FILIP1: variants seen among roughly 807,000 people sequenced by gnomAD.
The protein encoded by FILIP1 is filamin-A-interacting protein 1.
In FILIP1, 61 loss-of-function variants were observed where a neutral mutation model predicts 102.1. The observed-to-expected ratio is 0.60, with a 90% CI of 0.49 to 0.74. The LOEUF (loss-of-function observed/expected upper bound fraction) is 0.74. FILIP1 is among the 30% of genes least tolerant of loss of function. The pLI is 0.00. For synonymous variants in FILIP1, 491 were observed against 526.9 expected (o/e 0.93, Z 0.93); for missense variants, 1,314 against 1,441.2 (o/e 0.91, Z 1.43).
chr6:75,332,464 T>C (rs551892674), intron 4 of FILIP1, among the ~76,000 whole-genome samples: 2 of 152,214 alleles, frequency 1.3e-5, no homozygotes, highest in Non-Finnish European at 2.9e-5. Context: ...TGTGTGACCT[T>C]GGGCTCTCCC....
intron 1 of FILIP1, among the ~76,000 whole-genome samples, chr6:75,451,237 T>C (rs1465548211): frequency 2.0e-5 from 3 of 148,342 alleles, no homozygotes; most frequent in Non-Finnish European, 4.5e-5. Flanking sequence ...ATATTATATA[T>C]AAATATATAT....
At chr6:75,490,563 A>G (rs193090111) in intron 1 of FILIP1, among the ~76,000 whole-genome samples, 167 of 152,266 alleles carry the variant, frequency 1.1e-3, no homozygotes, top group African/African-American at 3.8e-3. Context: ...GTAACTATAA[A>G]TAGAACCTGG....
At chr6:75,485,968 A>AACACACACACAC (rs529165652) in intron 1 of FILIP1, among the ~76,000 whole-genome samples, 12 of 145,208 alleles carry the variant, frequency 8.3e-5, no homozygotes, top group African/African-American at 2.8e-4. Flanking sequence ...TTCTGACCAA[A>AACACACACACAC]ACACACACAC....
At chr6:75,329,543 C>T (rs931064542) in intron 4 of FILIP1, among the ~76,000 whole-genome samples, 1 of 152,146 alleles carries the variant, frequency 6.6e-6, no homozygotes, top group Non-Finnish European at 1.5e-5. Context: ...CTTGGGTACG[C>T]CTCTCTGTCT....
intron 3 of FILIP1, among the ~76,000 whole-genome samples, chr6:75,359,000 G>C (rs772807386): frequency 6.9e-6 from 1 of 145,514 alleles, no homozygotes; most frequent in African/African-American, 2.6e-5. Flanking sequence ...GAGCCACTGC[G>C]CCCAGCCCTT....
At chr6:75,373,948 A>G (rs2842454) in intron 2 of FILIP1, among the ~76,000 whole-genome samples, 3,839 of 152,252 alleles carry the variant, frequency 0.025, 175 homozygotes, top group African/African-American at 0.087. Flanking sequence ...GGTAGAACAC[A>G]TCACTGCACT....
At chr6:75,299,242 G>A (rs1362837716) in intron 6 of FILIP1, among the ~76,000 whole-genome samples, 2 of 151,898 alleles carry the variant, frequency 1.3e-5, no homozygotes, top group Admixed American at 6.6e-5. Flanking sequence ...AGGTCATTTG[G>A]GGCCTCTAAA....
chr6:75,315,253 T>A (rs771700997), intron 4 of FILIP1, 51 bp from the exon 5 acceptor site: 12 of 1,228,640 alleles, frequency 9.8e-6, no homozygotes, highest in Non-Finnish European at 1.3e-5. Context: ...GCAAACAGAT[T>A]TAAGCATTGA....
chr6:75,487,442 C>T (rs577178959), intron 1 of FILIP1, among the ~76,000 whole-genome samples: 1 of 152,152 alleles, frequency 6.6e-6, no homozygotes, highest in South Asian at 2.1e-4. Flanking sequence ...GTGCTTGGTA[C>T]CATGGTCAAA....
At chr6:75,488,739 T>C (rs1015489562) in intron 1 of FILIP1, among the ~76,000 whole-genome samples, 1 of 152,182 alleles carries the variant, frequency 6.6e-6, no homozygotes, top group Non-Finnish European at 1.5e-5. Flanking sequence ...ATAAGGTTTG[T>C]TGCCACTAAA....
chr6:75,363,500 T>C (rs952866603), intron 2 of FILIP1, among the ~76,000 whole-genome samples: 1 of 152,108 alleles, frequency 6.6e-6, no homozygotes, highest in Non-Finnish European at 1.5e-5. Context: ...ATCTAATGTA[T>C]TCACAAAAAA....
At chr6:75,392,103 C>A (rs1776296830) in intron 2 of FILIP1, among the ~76,000 whole-genome samples, 1 of 152,122 alleles carries the variant, frequency 6.6e-6, no homozygotes, top group Admixed American at 6.6e-5. Context: ...TGCTGATTTT[C>A]CTCTTTCCTC....
intron 5 of FILIP1, among the ~76,000 whole-genome samples, chr6:75,310,018 A>G (rs1237627276): frequency 1.3e-5 from 2 of 152,146 alleles, no homozygotes; most frequent in African/African-American, 4.8e-5. Flanking sequence ...ATAAATATCA[A>G]TTTCATAATG....
chr6:75,320,231 G>C (rs1192458439), intron 4 of FILIP1, among the ~76,000 whole-genome samples: 1 of 152,198 alleles, frequency 6.6e-6, no homozygotes, highest in Non-Finnish European at 1.5e-5. Context: ...ATAAACAAGA[G>C]AAAGAATGAA....
intron 2 of FILIP1, among the ~76,000 whole-genome samples, chr6:75,398,604 G>A: frequency 6.6e-6 from 1 of 152,102 alleles, no homozygotes; most frequent in East Asian, 1.9e-4. Context: ...TCAGAAGAGA[G>A]AAGAGAATAA....
intron 1 of FILIP1, among the ~76,000 whole-genome samples, chr6:75,437,524 C>T (rs1467201397): frequency 2.0e-5 from 3 of 152,158 alleles, no homozygotes; most frequent in East Asian, 1.9e-4. Flanking sequence ...TGTGATATTT[C>T]GGTAACAGTT....
intron 6 of FILIP1, among the ~76,000 whole-genome samples, chr6:75,296,341 TTGTGTGTGTGTGTG>T (rs57430339): frequency 1.1e-4 from 16 of 141,536 alleles, no homozygotes; most frequent in East Asian, 6.1e-4. Flanking sequence ...TTCAATTTCT[TTGTGTGTGTGTGTG>T]TGTGTGTGTG....
chr6:75,488,458 A>T (rs760476089), intron 1 of FILIP1, among the ~76,000 whole-genome samples: 1 of 151,702 alleles, frequency 6.6e-6, no homozygotes, highest in East Asian at 1.9e-4. Context: ...AAAAAAAAAC[A>T]TAATCCAATA....
intron 4 of FILIP1, among the ~76,000 whole-genome samples, chr6:75,345,786 A>G (rs1582375993): frequency 6.6e-6 from 1 of 152,056 alleles, no homozygotes; most frequent in Non-Finnish European, 1.5e-5. Context: ...TCTTCTGCCT[A>G]TTGAACTTTC....
Sources: allele counts gnomAD v4.1 joint callset (sites outside exome capture counted in the v4.1 genomes callset), GRCh38; gene constraint gnomAD v4.1.1; transcripts MANE v1.5; gene names NCBI Gene and HGNC (gene_info 2026-07-23, HGNC 2026-07-21).